PRKG1: variants seen among roughly 807,000 people sequenced by gnomAD.
PRKG1 encodes the protein cGMP-dependent protein kinase 1.
Under a neutral mutation model 88.1 loss-of-function variants are expected in PRKG1, and 35 were observed. That is an observed-to-expected ratio of 0.40 (90% CI 0.30 to 0.53). The LOEUF (loss-of-function observed/expected upper bound fraction) is 0.53. PRKG1 is among the 20% of genes least tolerant of loss of function. The pLI is 0.59. For missense variants in PRKG1, 540 were observed against 839.8 expected (o/e 0.64, Z 4.41); for synonymous variants, 303 against 292.5 (o/e 1.04, Z -0.37).
chr10:51,345,276 C>A (rs1205893057), intron 2 of PRKG1, among the ~76,000 whole-genome samples: 1 of 152,124 alleles, frequency 6.6e-6, no homozygotes, highest in African/African-American at 2.4e-5. Context: ...TTTATTATTA[C>A]AACCTCTTTT....
intron 2 of PRKG1, among the ~76,000 whole-genome samples, chr10:51,235,229 G>A (rs1838953264): frequency 6.6e-6 from 1 of 152,074 alleles, no homozygotes. Flanking sequence ...ACTTATTGTG[G>A]TATCTGGGAA....
intron 4 of PRKG1, among the ~76,000 whole-genome samples, chr10:51,814,618 C>A (rs1839539731): frequency 1.3e-5 from 2 of 152,032 alleles, no homozygotes; most frequent in African/African-American, 2.4e-5. Flanking sequence ...CACTTTCTCA[C>A]CCCATTTTCA....
intron 5 of PRKG1, among the ~76,000 whole-genome samples, chr10:51,983,563 A>G (rs1464383842): frequency 6.6e-6 from 1 of 152,132 alleles, no homozygotes; most frequent in Non-Finnish European, 1.5e-5. Flanking sequence ...ACCACCCTGA[A>G]GAGTTTAGGT....
At chr10:51,519,180 A>C (rs1033769549) in intron 3 of PRKG1, among the ~76,000 whole-genome samples, 1 of 152,166 alleles carries the variant, frequency 6.6e-6, no homozygotes, top group Admixed American at 6.5e-5. Flanking sequence ...CATTTTTTCT[A>C]AATAAATAAT....
At position 51,962,310 on chromosome 10, in the gene PRKG1, C is replaced by A. The variant is rs934452379; in HGVS notation, c.762+54740C>A. 9.9e-5 allele frequency among the ~76,000 whole-genome samples: 15 copies of A among 152,144 alleles called. No homozygotes were observed. The East Asian group carries it at 1.7e-3, about 18-fold the overall frequency. On this transcript the variant is annotated intron_variant, in intron 5 of 17. Coordinates refer to ENST00000373980, the MANE Select transcript of PRKG1 (RefSeq NM_006258.4). ...GAACACTAGTCTTGCAGCTGTACAG[C>A]CTTGATTCAAATCCTGCTTCCCCCT...
intron 2 of PRKG1, among the ~76,000 whole-genome samples, chr10:51,287,621 G>A (rs1290227013): frequency 6.6e-6 from 1 of 152,164 alleles, no homozygotes; most frequent in Non-Finnish European, 1.5e-5. Context: ...AATCTATAAA[G>A]GGAATGTCCT....
upstream of PRKG1, chr10:51,074,401 C>T (rs536787987): frequency 3.6e-5 from 51 of 1,398,940 alleles, no homozygotes; most frequent in African/African-American, 6.8e-4. Context: ...GTGGAATCTG[C>T]ACTGAAACTC....
chr10:51,113,818 A>G (rs1845037672), intron 1 of PRKG1, among the ~76,000 whole-genome samples: 1 of 151,608 alleles, frequency 6.6e-6, no homozygotes, highest in Admixed American at 6.6e-5. Flanking sequence ...ACTCAATTCC[A>G]TTGAAAGTAG....
chr10:51,699,356 T>C, intron 3 of PRKG1: 1 of 1,614,080 alleles, frequency 6.2e-7, no homozygotes, highest in Non-Finnish European at 8.5e-7. Context: ...CTCCTGGTCT[T>C]GGTATTCGCA....
At chr10:52,171,124 TG>T (rs1348591472) in intron 9 of PRKG1, among the ~76,000 whole-genome samples, 142 of 29,684 alleles carry the variant, frequency 4.8e-3, no homozygotes, top group African/African-American at 0.012. Flanking sequence ...CTTATTGGTG[TG>T]TTTTTTTTTT....
chr10:52,167,968 T>C (rs573239082), intron 9 of PRKG1, among the ~76,000 whole-genome samples: 26 of 152,300 alleles, frequency 1.7e-4, no homozygotes, highest in African/African-American at 5.8e-4. Context: ...TAGATTTTCA[T>C]CTGTAATATC....
intron 1 of PRKG1, among the ~76,000 whole-genome samples, chr10:51,009,709 T>G (rs111315773): frequency 5.3e-4 from 80 of 152,344 alleles, no homozygotes; most frequent in African/African-American, 1.8e-3. Context: ...TCTGGGTCTA[T>G]TTAATTCAGA....
intron 2 of PRKG1, among the ~76,000 whole-genome samples, chr10:51,465,020 A>C (rs1012053826): frequency 6.6e-6 from 1 of 152,228 alleles, no homozygotes; most frequent in Non-Finnish European, 1.5e-5. Context: ...TAGGAAACAT[A>C]ATTTGTTAGA....
intron 2 of PRKG1, among the ~76,000 whole-genome samples, chr10:51,217,939 A>C (rs1357409128): frequency 6.6e-6 from 1 of 152,074 alleles, no homozygotes; most frequent in East Asian, 1.9e-4. Context: ...TCCCTCCTTC[A>C]TCTGAATCTC....
chr10:52,288,175 C>T (rs892646834), intron 14 of PRKG1, among the ~76,000 whole-genome samples: 1 of 152,056 alleles, frequency 6.6e-6, no homozygotes, highest in Non-Finnish European at 1.5e-5. Context: ...AACACTTATA[C>T]TGAAACTTGA....
chr10:51,201,342 C>T (rs1329503376), intron 2 of PRKG1, among the ~76,000 whole-genome samples: 2 of 152,076 alleles, frequency 1.3e-5, no homozygotes, highest in African/African-American at 4.8e-5. Flanking sequence ...ATCCCAGCTA[C>T]TCAGGGGGCC....
chr10:51,045,975 T>C (rs1297039241), intron 1 of PRKG1, among the ~76,000 whole-genome samples: 1 of 152,218 alleles, frequency 6.6e-6, no homozygotes, highest in African/African-American at 2.4e-5. Context: ...TATGGCCACA[T>C]AAGCACTAAA....
chr10:52,194,524 G>A (rs1017201729), intron 9 of PRKG1, among the ~76,000 whole-genome samples: 9 of 152,122 alleles, frequency 5.9e-5, no homozygotes, highest in Non-Finnish European at 1.0e-4. Context: ...AAGTAGTGAA[G>A]AGAAAATTAA....
chr10:52,216,471 T>C (rs1446596759), intron 9 of PRKG1, among the ~76,000 whole-genome samples: 1 of 152,186 alleles, frequency 6.6e-6, no homozygotes, highest in Non-Finnish European at 1.5e-5. Flanking sequence ...AGACTTTAAT[T>C]GAATAGTCAG....
Sources: allele counts gnomAD v4.1 joint callset (sites outside exome capture counted in the v4.1 genomes callset), GRCh38; gene constraint gnomAD v4.1.1; transcripts MANE v1.5; gene names NCBI Gene and HGNC (gene_info 2026-07-23, HGNC 2026-07-21).